Variants in IQCH observed in about 807,000 individuals in gnomAD.
IQCH encodes the protein IQ motif containing H.
A neutral mutation model predicts 117.0 loss-of-function variants in IQCH; 98 were observed. The observed-to-expected ratio is 0.84, with a 90% confidence interval of 0.71 to 0.99. The LOEUF (loss-of-function observed/expected upper bound fraction) is 0.99, where lower values mean the gene tolerates loss of function less well. Ranked by LOEUF, IQCH falls within the 50% of genes least tolerant of loss-of-function variation. The pLI, the probability that IQCH is intolerant of heterozygous loss-of-function variation, is 0.00. For missense variants in IQCH, 1,102 were observed against 1,243.8 expected (o/e 0.89, Z 1.72); for synonymous variants, 412 against 448.2 (o/e 0.92, Z 1.02).
chr15:67,268,415 C>T (rs1486506082), intron 3 of IQCH, among the ~76,000 whole-genome samples: 1 of 152,220 alleles, frequency 6.6e-6, no homozygotes, highest in Non-Finnish European at 1.5e-5. Context: ...AGTTCCTCCT[C>T]TTACCATTGC....
intron 8 of IQCH, among the ~76,000 whole-genome samples, chr15:67,367,199 G>A (rs1325096979): frequency 6.6e-6 from 1 of 152,168 alleles, no homozygotes; most frequent in Non-Finnish European, 1.5e-5. Flanking sequence ...CATTAGCACA[G>A]TGATAGGAAT....
At position 67,391,789 on chromosome 15, in the gene IQCH, A is replaced by T. The variant is rs1216179642; in HGVS notation, c.1632+2783A>T. 1.3e-5 allele frequency among the ~76,000 whole-genome samples: 2 copies of T among 152,224 alleles called. No homozygotes were observed. The highest frequency in any genetic ancestry group is 4.8e-5 in the African/African-American group (2 of 41,460). The stretch of plus-strand genomic sequence containing the variant: ...TTAAATCTTTATTAAACACATATTG[A>T]ACACAATACTGTGGCAGCATCTTGC... On this transcript the variant is annotated intron_variant, in intron 12 of 20. Transcript: ENST00000335894. The surrounding 1 kb of genome is among the most constrained non-coding windows in gnomAD (Gnocchi z 4.3).
rs1194564481 is a variant in IQCH, at chr15:67,387,371, C to T, written c.1457-1460C>T. Among the ~76,000 whole-genome samples, 3 of 152,110 alleles carry T rather than the reference C, an allele frequency of 2.0e-5. No homozygotes were observed. Among genetic ancestry groups the T allele is most frequent in the Non-Finnish European group, 4.4e-5 (3 of 68,020 alleles). ...GGTGTAAAAGACCTTCCCAACTTTG[C>T]GAATCTCTCCATCATCCCTTCAGTC... is the stretch of plus-strand genomic sequence containing the variant. On this transcript the variant is annotated intron_variant, in intron 11 of 20. Coordinates refer to ENST00000335894, the MANE Select transcript of IQCH (RefSeq NM_001031715.3). This position sits in a 1 kb window ranked among gnomAD's most constrained non-coding sequence, Gnocchi z 4.8.
intron 4 of IQCH, chr15:67,304,302 C>T: frequency 1.9e-6 from 2 of 1,069,992 alleles, no homozygotes; most frequent in East Asian, 5.2e-5. Flanking sequence ...CATTTTTGTT[C>T]ATCCAGCATG....
At position 67,413,888 on chromosome 15, in the gene IQCH, T is replaced by C. The variant is rs2081510593; in HGVS notation, c.2098-3043T>C. ...CTGGGGCTTTGTGCACAGTGAAAAC[T>C]CCAAGCGTCAAAGCAGAATGGCTGG... On this transcript the variant is annotated intron_variant, in intron 14 of 20. Transcript: ENST00000335894. This position sits in a 1 kb window ranked among gnomAD's most constrained non-coding sequence, Gnocchi z 5.0. Among the ~76,000 whole-genome samples the C allele has an allele frequency of 6.6e-6, 1 of 152,102 alleles. No homozygotes were observed. Among genetic ancestry groups the C allele is most frequent in the African/African-American group, 2.4e-5 (1 of 41,406 alleles).
chr15:67,367,552 T>C (rs1970378146), intron 8 of IQCH, among the ~76,000 whole-genome samples: 2 of 151,894 alleles, frequency 1.3e-5, no homozygotes, highest in African/African-American at 4.8e-5. Context: ...AAATAATAAT[T>C]ATCGTTCAGT....
chr15:67,257,193 A>G (rs1965259353), intron 1 of IQCH, among the ~76,000 whole-genome samples: 2 of 152,214 alleles, frequency 1.3e-5, no homozygotes. Flanking sequence ...CCTCTTCCAT[A>G]GGACATATAG....
rs113596793 is a variant in IQCH, at chr15:67,319,968, G to A, written c.388-17007G>A. Reference sequence around the variant, plus strand: ...ATGAGTTAAATTTTTTTAATGGACCGTATTTGAGGTTAATCTCTTCATTGA... The same window carrying A: ...ATGAGTTAAATTTTTTTAATGGACCATATTTGAGGTTAATCTCTTCATTGA... On this transcript the variant is annotated intron_variant, in intron 4 of 20. Coordinates refer to ENST00000335894, the MANE Select transcript of IQCH (RefSeq NM_001031715.3). 2.2e-3 allele frequency among the ~76,000 whole-genome samples: 334 copies of A among 152,266 alleles called. 1 individual carries two copies. The highest frequency in any genetic ancestry group is 7.8e-3 in the African/African-American group (325 of 41,544).
intron 18 of IQCH, among the ~76,000 whole-genome samples, chr15:67,478,783 G>A (rs1013761418): frequency 5.3e-5 from 8 of 152,044 alleles, no homozygotes; most frequent in Non-Finnish European, 1.0e-4. Flanking sequence ...AATTAGCTGG[G>A]TGTGTTGGCA....
chr15:67,437,849 G>C (rs2082175056), intron 16 of IQCH, among the ~76,000 whole-genome samples: 1 of 151,952 alleles, frequency 6.6e-6, no homozygotes, highest in Admixed American at 6.5e-5. Flanking sequence ...CAAAGACAAA[G>C]AAAAAAGAAT....
At chr15:67,353,507 G>A (rs981782035) in intron 6 of IQCH, among the ~76,000 whole-genome samples, 3 of 151,824 alleles carry the variant, frequency 2.0e-5, no homozygotes, top group African/African-American at 2.4e-5. Flanking sequence ...CTACAGGTGC[G>A]CGCCACCACG....
Position 67,476,261 on chromosome 15 carries a change from T to C in IQCH, c.2799+443T>C, listed in dbSNP as rs2083199138. Among the ~76,000 whole-genome samples the C allele has an allele frequency of 1.3e-5, 2 of 152,248 alleles. No individual in the cohort carries two copies. Among genetic ancestry groups the C allele is most frequent in the Admixed American group, 1.3e-4 (2 of 15,284 alleles). On this transcript the variant is annotated intron_variant, in intron 18 of 20. Transcript: ENST00000335894. This position sits in a 1 kb window ranked among gnomAD's most constrained non-coding sequence, Gnocchi z 4.1. ...TATTTTCTCACTGTCTGGCAGCTGG[T>C]ACATCCAAGGACAAGGCACTAGCAG...
Position 67,476,818 on chromosome 15 carries a change from C to A in IQCH, c.2799+1000C>A, listed in dbSNP as rs2083212811. ...CCCTGAGTAACCCTGTACACTCTTA[C>A]TTATGGAAGACCCACTTTACAGCAC... On this transcript the variant is annotated intron_variant, in intron 18 of 20. Transcript: ENST00000335894. This position sits in a 1 kb window ranked among gnomAD's most constrained non-coding sequence, Gnocchi z 4.1. Among the ~76,000 whole-genome samples, 1 of 152,140 alleles carries A rather than the reference C, an allele frequency of 6.6e-6. No homozygotes were observed. Among genetic ancestry groups the A allele is most frequent in the African/African-American group, 2.4e-5 (1 of 41,420 alleles).
intron 4 of IQCH, among the ~76,000 whole-genome samples, chr15:67,283,102 T>C (rs1966428797): frequency 6.6e-6 from 1 of 152,212 alleles, no homozygotes; most frequent in Non-Finnish European, 1.5e-5. Flanking sequence ...CCATTTTTGC[T>C]TATTAAAATA....
chr15:67,470,271 C>T (rs745942732), intron 17 of IQCH, among the ~76,000 whole-genome samples: 5 of 152,170 alleles, frequency 3.3e-5, no homozygotes, highest in African/African-American at 4.8e-5. Flanking sequence ...CACAGGTTCA[C>T]GCCCAGGTTC....
chr15:67,432,077 T>C lies in IQCH; in HGVS notation c.2505+10500T>C, dbSNP rs1357920811. On this transcript the variant is annotated intron_variant, in intron 16 of 20. Coordinates refer to ENST00000335894, the MANE Select transcript of IQCH (RefSeq NM_001031715.3). The surrounding 1 kb of genome is among the most constrained non-coding windows in gnomAD (Gnocchi z 5.0). ...ATAAATTAACTCTTATTTTAGATAA[T>C]TGTGAACTTTGAAACAACAATCTGT... is the stretch of plus-strand genomic sequence containing the variant. 2.0e-5 allele frequency among the ~76,000 whole-genome samples: 3 copies of C among 152,154 alleles called. No homozygotes were observed. Among genetic ancestry groups the C allele is most frequent in the Admixed American group, 6.5e-5 (1 of 15,274 alleles).
intron 15 of IQCH, 96 bp from the exon 16 acceptor site, chr15:67,421,195 G>A (rs2081729734): frequency 3.0e-6 from 3 of 997,344 alleles, no homozygotes; most frequent in East Asian, 2.6e-5. Flanking sequence ...TAAGCTACTT[G>A]CCCAAAGTCT....
rs1596315068 is a variant in IQCH, at chr15:67,403,283, A to C, written c.2097+2978A>C. Among the ~76,000 whole-genome samples, 1 of 151,886 alleles carries C rather than the reference A, an allele frequency of 6.6e-6. No individual in the cohort carries two copies. Among genetic ancestry groups the C allele is most frequent in the Non-Finnish European group, 1.5e-5 (1 of 67,932 alleles). Reference sequence around the variant, plus strand: ...AAAAAAGTCATCTCTTTTTTCACCTATGTAATTTGGAACCAGAGTTATCTG... The same window carrying C: ...AAAAAAGTCATCTCTTTTTTCACCTCTGTAATTTGGAACCAGAGTTATCTG... On this transcript the variant is annotated intron_variant, in intron 14 of 20. Transcript: ENST00000335894. This position sits in a 1 kb window ranked among gnomAD's most constrained non-coding sequence, Gnocchi z 4.8.
rs1336681793 is a variant in IQCH, at chr15:67,411,313, G to A, written c.2098-5618G>A. Among the ~76,000 whole-genome samples the A allele has an allele frequency of 6.6e-6, 1 of 152,166 alleles. No individual in the cohort carries two copies. The highest frequency in any genetic ancestry group is 2.4e-5 in the African/African-American group (1 of 41,430). On this transcript the variant is annotated intron_variant, in intron 14 of 20. Transcript: ENST00000335894. The surrounding 1 kb of genome is among the most constrained non-coding windows in gnomAD (Gnocchi z 4.4). ...CAGAGGCAGCCAGAGAGCACCTGCG[G>A]CCTCCCAGTGTGACTGGAGAAGCCC... is the stretch of plus-strand genomic sequence containing the variant.
Sources: gnomAD v4.1 joint callset for allele counts (sites outside exome capture counted in the v4.1 genomes callset) on GRCh38, gnomAD v4.1.1 for gene constraint, Gnocchi (gnomAD v3.1) non-coding constraint, MANE v1.5 for transcripts, NCBI Gene and HGNC (gene_info 2026-07-23, HGNC 2026-07-21) for gene names.